KLHL23: variants seen among roughly 807,000 people sequenced by gnomAD.
KLHL23 encodes the protein kelch like family member 23.
KLHL23 carries 33 observed loss-of-function variants against 48.9 expected under a neutral mutation model. The ratio of observed to expected loss-of-function variants is 0.67; its 90% CI spans 0.51 to 0.90. The LOEUF (loss-of-function observed/expected upper bound fraction) is 0.90. Ranked by LOEUF, KLHL23 falls within the 40% of genes least tolerant of loss-of-function variation. KLHL23 has a pLI of 0.00. For missense variants in KLHL23, 608 were observed against 669.6 expected (o/e 0.91, Z 1.02); for synonymous variants, 234 against 231.6 (o/e 1.01, Z -0.09).
In KLHL23 at chr2:169,749,504, T is replaced by C. The variant is rs759053397; in HGVS notation, c.1449T>C (p.Pro483=). The change falls in exon 4 of 4, where the codon CCT becomes CCC. Residue 483 remains proline, a synonymous_variant. Transcript: ENST00000392647. ...CTACAATCACAGAATGCTATGACCC[T>C]GAACAAAATGAATGGAGAGAGATAG... is the stretch of plus-strand genomic sequence containing the variant. ...GQTTITECYD[P]EQNEWREIAP... The C allele has an allele frequency of 6.0e-5, 97 of 1,613,996 alleles. No individual in the cohort carries two copies. The highest frequency in any genetic ancestry group is 7.6e-5 in the Non-Finnish European group (90 of 1,180,032).
rs777346971 is a variant in KLHL23 at position 169,735,281 on chromosome 2, A to G, written c.267A>G (p.Glu89=). ...CTGGCATCCACCATGATATTCTGGA[A>G]GGCCTTGTAAATTATGCATACACTT... ...KLSGIHHDIL[E]GLVNYAYTSQ... Residue 89 remains glutamate (E), a synonymous_variant, in exon 2 of 4, where the codon GAA becomes GAG. Coordinates refer to ENST00000392647, the MANE Select transcript of KLHL23 (RefSeq NM_144711.6). The surrounding 1 kb of genome is among the most constrained non-coding windows in gnomAD (Gnocchi z 4.5). The G allele has an allele frequency of 6.2e-6, 10 of 1,612,198 alleles. No individual in the cohort carries two copies. Among genetic ancestry groups the G allele is most frequent in the African/African-American group, 1.3e-5 (1 of 74,834 alleles).
chr2:169,749,658 A>G lies in KLHL23; in HGVS notation c.1603A>G (p.Asn535Asp). Reference protein sequence around the residue: ...QSIEKYDPDLNKWEIVGNLPS... With the variant: ...QSIEKYDPDLDKWEIVGNLPS... ...CATTGAGAAATATGATCCAGATCTT[A>G]ATAAGTGGGAAATAGTGGGTAATCT... The change falls in exon 4 of 4, where the codon AAT (asparagine) becomes GAT (aspartate). Residue 535 changes from asparagine (N) to aspartate (D), a missense_variant. By Grantham distance (23) the Asn-to-Asp change is conservative. Coordinates refer to ENST00000392647, the MANE Select transcript of KLHL23 (RefSeq NM_144711.6). 4 of 1,614,038 alleles carry G rather than the reference A, an allele frequency of 2.5e-6. No homozygotes were observed. Among genetic ancestry groups the G allele is most frequent in the Non-Finnish European group, 3.4e-6 (4 of 1,179,968 alleles).
intron 3 of KLHL23, 40 bp downstream of exon 3, chr2:169,741,577 T>G (rs1688677287): frequency 6.4e-7 from 1 of 1,553,408 alleles, no homozygotes; most frequent in Admixed American, 1.8e-5. Context: ...TGTTGTGATG[T>G]AGTTTAGTAG....
rs1452665987 is a variant in KLHL23, at chr2:169,749,832, G to C, written c.*100G>C. On this transcript the variant is annotated 3_prime_UTR_variant, in exon 4 of 4. Transcript: ENST00000392647. ...GTTCCTTACCTGATAATTGTGTCTG[G>C]CACATGATAGGGGATCAGTAAATTG... The C allele has an allele frequency of 7.1e-7, 1 of 1,398,612 alleles. No individual in the cohort carries two copies. Among genetic ancestry groups the C allele is most frequent in the Admixed American group, 2.3e-5 (1 of 43,292 alleles). 86.6% of individuals were successfully genotyped at this position (1,398,612 alleles called of 1,614,324 possible). A position where few individuals can be genotyped will look rare whatever the true frequency, so the allele number is the denominator to read the frequency against.
chr2:169,734,219 G>A (rs1354600275), intron 1 of KLHL23, 132 bp downstream of exon 1: 1 of 142,558 alleles, frequency 7.0e-6, no homozygotes, highest in Admixed American at 6.9e-5. Flanking sequence ...GAGGAGCGCA[G>A]ACAATGGCCG....
chr2:169,743,729 A>G (rs1574526268), intron 3 of KLHL23, among the ~76,000 whole-genome samples: 1 of 152,208 alleles, frequency 6.6e-6, no homozygotes, highest in Non-Finnish European at 1.5e-5. Flanking sequence ...GTTTCACCAC[A>G]GTCCTTCCAA....
chr2:169,737,188 C>G (rs531587954), intron 2 of KLHL23, among the ~76,000 whole-genome samples: 3 of 152,200 alleles, frequency 2.0e-5, no homozygotes, highest in Admixed American at 6.5e-5. Flanking sequence ...TACCTAGTCT[C>G]GGATCATTGA....
intron 2 of KLHL23, among the ~76,000 whole-genome samples, chr2:169,736,883 C>A (rs1688532747): frequency 6.6e-6 from 1 of 152,194 alleles, no homozygotes; most frequent in Admixed American, 6.5e-5. Flanking sequence ...TAGGTCGTTA[C>A]CAAATTTGTA....
At position 169,735,152 on chromosome 2, in the gene KLHL23, A is replaced by G. The variant is rs764740493; in HGVS notation, c.138A>G (p.Ile46Met). The G allele has an allele frequency of 4.3e-6, 7 of 1,613,402 alleles. No homozygotes were observed. Among genetic ancestry groups the G allele is most frequent in the East Asian group, 4.5e-5 (2 of 44,886 alleles). Residue 46 changes from isoleucine (I) to methionine (M), a missense_variant, in exon 2 of 4, where the codon ATA (isoleucine) becomes ATG (methionine). By Grantham distance (10) the Ile-to-Met change is conservative. This residue lies in a region of KLHL23 where 419 missense variants were observed against 473.1 expected (regional missense o/e 0.89). Transcript: ENST00000392647. The surrounding 1 kb of genome is among the most constrained non-coding windows in gnomAD (Gnocchi z 4.5). ...TTACTCTTCAGTGTCCTTCAGGCAT[A>G]ATTTTCCATTGTCACCGAGCCGTTT... ...TDITLQCPSG[I>M]IFHCHRAVLA...
Position 169,736,039 on chromosome 2 carries a change from A to T in KLHL23, c.1025A>T (p.Tyr342Phe). 3.1e-6 allele frequency: 5 copies of T among 1,613,866 alleles called. No homozygotes were observed. The highest frequency in any genetic ancestry group is 4.2e-6 in the Non-Finnish European group (5 of 1,179,952). The stretch of plus-strand genomic sequence containing the variant: ...GAAGCTCTTGACACAGTGTGGATCT[A>T]TAACAGTGAAAGTGATGAATGGACA... ...NIEALDTVWI[Y>F]NSESDEWTEG... The change falls in exon 2 of 4, where the codon TAT becomes TTT. Residue 342 changes from tyrosine to phenylalanine, a missense_variant. Tyr to Phe is a conservative substitution (Grantham distance 22, BLOSUM62 3). Coordinates refer to ENST00000392647, the MANE Select transcript of KLHL23 (RefSeq NM_144711.6).
rs150848451 is a variant in KLHL23 at position 169,745,240 on chromosome 2, C to T, written c.1366+3703C>T. Among the ~76,000 whole-genome samples, 971 of 151,832 alleles carry T rather than the reference C, an allele frequency of 6.4e-3. 6 individuals carry two copies. Among genetic ancestry groups the T allele is most frequent in the African/African-American group, 0.021 (861 of 41,464 alleles). On this transcript the variant is annotated intron_variant, in intron 3 of 3. Coordinates refer to ENST00000392647, the MANE Select transcript of KLHL23 (RefSeq NM_144711.6). ...TAAGAAGAGAACTCTTGGCTGGGCG[C>T]GGTGGCTCACGCCTGTAATCCCTGC... is the stretch of plus-strand genomic sequence containing the variant.
intron 3 of KLHL23, among the ~76,000 whole-genome samples, chr2:169,748,247 T>C (rs988535319): frequency 6.6e-6 from 1 of 152,112 alleles, no homozygotes; most frequent in African/African-American, 2.4e-5. Context: ...GAATGCCCTT[T>C]GAAGAGGTGA....
rs755063416 is a variant in KLHL23, at chr2:169,735,547, T to C, written c.533T>C (p.Ile178Thr). 3.7e-6 allele frequency: 6 copies of C among 1,613,678 alleles called. No individual in the cohort carries two copies. In the South Asian group the frequency reaches 6.6e-5, roughly 18 times the overall value. Residue 178 changes from isoleucine to threonine, a missense_variant, in exon 2 of 4, where the codon ATC becomes ACC. Ile to Thr is a moderately conservative substitution (Grantham distance 89). Around this residue, in one of 3 missense-constraint regions of KLHL23, gnomAD observed 419 missense variants for 473.1 expected, o/e 0.89. Transcript: ENST00000392647. This position sits in a 1 kb window ranked among gnomAD's most constrained non-coding sequence, Gnocchi z 4.5. The stretch of plus-strand genomic sequence containing the variant: ...TGGCAACAAGAAGAATTTCTGGAAA[T>C]CAGCCTTGAAAAGTTTCTCTTTATC... ...EVWQQEEFLEISLEKFLFILS... is the reference protein window; with the variant it reads ...EVWQQEEFLETSLEKFLFILS...
chr2:169,743,506 A>G (rs1162355299), intron 3 of KLHL23, among the ~76,000 whole-genome samples: 1 of 152,260 alleles, frequency 6.6e-6, no homozygotes, highest in African/African-American at 2.4e-5. Context: ...AGTACCTTGC[A>G]TGATGTGTTC....
rs780075436 is a variant in KLHL23 at position 169,735,546 on chromosome 2, A to G, written c.532A>G (p.Ile178Val). ...EVWQQEEFLE[I>V]SLEKFLFILS... ...GTGGCAACAAGAAGAATTTCTGGAA[A>G]TCAGCCTTGAAAAGTTTCTCTTTAT... The change falls in exon 2 of 4, where the codon ATC (isoleucine) becomes GTC (valine). Residue 178 changes from isoleucine (I) to valine (V), a missense_variant. Transcript: ENST00000392647. This position sits in a 1 kb window ranked among gnomAD's most constrained non-coding sequence, Gnocchi z 4.5. The G allele has an allele frequency of 1.2e-6, 2 of 1,613,714 alleles. No homozygotes were observed.
In KLHL23 at chr2:169,740,791, T is replaced by A. The variant is rs1040711410; in HGVS notation, c.1214-594T>A. On this transcript the variant is annotated intron_variant, in intron 2 of 3. Coordinates refer to ENST00000392647, the MANE Select transcript of KLHL23 (RefSeq NM_144711.6). ...TTATATATATATATATATATATATATAACTTATTTATTGATTTTTTTACTC... is the reference window on the plus strand; with the variant it reads ...TTATATATATATATATATATATATAAAACTTATTTATTGATTTTTTTACTC... Among the ~76,000 whole-genome samples the A allele has an allele frequency of 7.1e-5, 10 of 140,236 alleles. 1 individual carries two copies. Among genetic ancestry groups the A allele is most frequent in the South Asian group, 4.3e-4 (2 of 4,628 alleles). The allele number at this position is 140,236 out of a possible 152,430, so 92.0% of individuals were successfully genotyped here.
At chr2:169,746,107 G>A (rs1053122549) in intron 3 of KLHL23, among the ~76,000 whole-genome samples, 7 of 152,166 alleles carry the variant, frequency 4.6e-5, no homozygotes, top group Admixed American at 6.5e-5. Flanking sequence ...GTGAAGAGCC[G>A]AGAGGAAGCA....
chr2:169,738,674 T>C (rs1342482306), intron 2 of KLHL23, among the ~76,000 whole-genome samples: 1 of 151,990 alleles, frequency 6.6e-6, no homozygotes, highest in Admixed American at 6.5e-5. Flanking sequence ...ATAAATCCAC[T>C]TTTATTTTGG....
chr2:169,734,937 T>C, intron 1 of KLHL23, 76 bp from the exon 2 acceptor site: 1 of 1,485,314 alleles, frequency 6.7e-7, no homozygotes, highest in Non-Finnish European at 8.9e-7. Context: ...CCGATGATAG[T>C]CAAGTTATTT....
Sources: allele counts gnomAD v4.1 joint callset (sites outside exome capture counted in the v4.1 genomes callset), GRCh38; gene constraint gnomAD v4.1.1; regional missense constraint gnomAD v4.1.1; non-coding constraint Gnocchi (gnomAD v3.1); transcripts MANE v1.5; gene names NCBI Gene and HGNC (gene_info 2026-07-23, HGNC 2026-07-21).